NDUFS7: variants seen among roughly 807,000 people sequenced by gnomAD.
NDUFS7 encodes the protein NADH:ubiquinone oxidoreductase core subunit S7, also known as NADH dehydrogenase [ubiquinone] iron-sulfur protein 7, mitochondrial.
NDUFS7 carries 11 observed loss-of-function variants against 31.1 expected under a neutral mutation model. The ratio of observed to expected loss-of-function variants is 0.35; its 90% CI spans 0.22 to 0.59. The LOEUF is 0.59. Ranked by LOEUF, NDUFS7 falls within the 20% of genes least tolerant of loss-of-function variation. The pLI is 0.79. For synonymous variants in NDUFS7, 136 were observed against 127.9 expected, an observed-to-expected ratio of 1.06 and a Z score of -0.43; for missense variants, 263 against 324.2, an observed-to-expected ratio of 0.81 and a Z score of 1.45.
chr19:1,387,805 C>T lies in NDUFS7; in HGVS notation c.17-6C>T. 1 of 1,611,682 alleles carries T rather than the reference C, an allele frequency of 6.2e-7. No individual in the cohort carries two copies. The highest frequency in any genetic ancestry group is 1.3e-5 in the African/African-American group (1 of 75,004). On this transcript the variant is annotated splice_region_variant and splice_polypyrimidine_tract_variant and intron_variant, in intron 1 of 7. Transcript: ENST00000233627. ...CACTGTTCCCACCCCGTGGTCCTCTCTGCAGCTCCTGGCCTGCGCGGCTTC... is the reference window on the plus strand; with the variant it reads ...CACTGTTCCCACCCCGTGGTCCTCTTTGCAGCTCCTGGCCTGCGCGGCTTC...
rs2082490655 is a variant in NDUFS7 at position 1,383,951 on chromosome 19, G to C, written c.16+9G>C. ...GATGGCGGTGCTGTCAGGTGAGCGC[G>C]GCACCGGCGGCGGGTGTGGGGCCGC... is the stretch of plus-strand genomic sequence containing the variant. On this transcript the variant is annotated intron_variant, in intron 1 of 7. Coordinates refer to ENST00000233627, the MANE Select transcript of NDUFS7 (RefSeq NM_024407.5). The C allele has an allele frequency of 1.9e-6, 3 of 1,569,088 alleles. No homozygotes were observed. The highest frequency in any genetic ancestry group is 2.6e-6 in the Non-Finnish European group (3 of 1,159,048).
rs73515044 is a variant in NDUFS7, at chr19:1,389,046, T to C, written c.228+108T>C. 0.024 allele frequency: 19,928 copies of C among 839,754 alleles called. 2,398 individuals are homozygous for C. The African/African-American group carries it at 0.28, about 12-fold the overall frequency. 52.0% of individuals were successfully genotyped at this position (839,754 alleles called of 1,614,324 possible). On this transcript the variant is annotated intron_variant, in intron 4 of 7. Transcript: ENST00000233627. The stretch of plus-strand genomic sequence containing the variant: ...TGCAGACACGTACACACACAACACA[T>C]GCATGCACACTCACATGCGCACATG...
intron 4 of NDUFS7, chr19:1,389,325 ACT>A (rs35005907): frequency 0.55 from 273,188 of 494,388 alleles, 78,096 homozygotes; most frequent in Non-Finnish European, 0.61. Flanking sequence ...ACACATGCAC[ACT>A]CACACACATG....
chr19:1,389,001 C>T (rs1383215367), intron 4 of NDUFS7, 63 bp downstream of exon 4: 2 of 1,287,200 alleles, frequency 1.6e-6, no homozygotes, highest in East Asian at 5.0e-5. Flanking sequence ...CTCACAGGCA[C>T]ACACATACAC....
At chr19:1,389,733 C>T (rs1275621333) in intron 4 of NDUFS7, 4 of 345,174 alleles carry the variant, frequency 1.2e-5, no homozygotes, top group South Asian at 4.4e-5. Context: ...CCAGCTCCTG[C>T]GGCACTTGCT....
At chr19:1,395,095 G>C in intron 7 of NDUFS7, 1 of 1,312,932 alleles carries the variant, frequency 7.6e-7, no homozygotes, top group Non-Finnish European at 9.8e-7. Context: ...CTGAGGGCTG[G>C]GGCCGGGGGC....
intron 2 of NDUFS7, 73 bp downstream of exon 2, chr19:1,387,920 T>C (rs535799494): frequency 1.3e-4 from 16 of 119,678 alleles, no homozygotes; most frequent in Middle Eastern, 2.8e-3. Flanking sequence ...GCGGGGGGGG[T>C]GGGGGGTGGG....
intron 7 of NDUFS7, chr19:1,394,783 A>G: frequency 1.7e-6 from 2 of 1,183,508 alleles, no homozygotes; most frequent in Non-Finnish European, 2.1e-6. Flanking sequence ...CAGGCCCTGC[A>G]GTGGCCTTGT....
In NDUFS7 at chr19:1,393,736, T is replaced by C. The variant is rs1270722758; in HGVS notation, c.544+406T>C. ...CTCCCTGGGACCCGGGGTGGCCGGATTTGGCAAATGAAAACGTGGGAGGCT... is the reference window on the plus strand; with the variant it reads ...CTCCCTGGGACCCGGGGTGGCCGGACTTGGCAAATGAAAACGTGGGAGGCT... On this transcript the variant is annotated intron_variant, in intron 7 of 7. Coordinates refer to ENST00000233627, the MANE Select transcript of NDUFS7 (RefSeq NM_024407.5). This position sits in a 1 kb window ranked among gnomAD's most constrained non-coding sequence, Gnocchi z 7.3. The C allele has an allele frequency of 1.9e-6, 1 of 517,312 alleles. No homozygotes were observed. Among genetic ancestry groups the C allele is most frequent in the Non-Finnish European group, 3.5e-6 (1 of 287,722 alleles). 32.0% of individuals were successfully genotyped at this position (517,312 alleles called of 1,614,324 possible). A position where few individuals can be genotyped will look rare whatever the true frequency, so the allele number is the denominator to read the frequency against.
intron 4 of NDUFS7, chr19:1,390,215 C>G (rs1437777972): frequency 1.2e-5 from 2 of 160,046 alleles, no homozygotes; most frequent in Non-Finnish European, 2.7e-5. Flanking sequence ...AGGATAGTTT[C>G]TAATGGAGGG....
intron 1 of NDUFS7, chr19:1,387,271 C>G (rs1339386063): frequency 5.6e-5 from 10 of 178,776 alleles, no homozygotes; most frequent in Admixed American, 5.4e-4. Context: ...AGGACGAGCA[C>G]TGGGTGCCCA....
intron 4 of NDUFS7, 124 bp downstream of exon 4, chr19:1,389,062 T>C (rs2082531099): frequency 4.8e-6 from 4 of 835,134 alleles, no homozygotes; most frequent in African/African-American, 1.7e-5. Context: ...CACACTCACA[T>C]GCGCACATGT....
chr19:1,392,364 A>T (rs1228368709), intron 6 of NDUFS7: 2 of 152,166 alleles, frequency 1.3e-5, no homozygotes, highest in Non-Finnish European at 2.9e-5. Context: ...TACCCTTTTA[A>T]AGCGAGCAGT....
intron 6 of NDUFS7, 68 bp downstream of exon 6, chr19:1,391,233 G>A (rs1294111239): frequency 2.6e-6 from 4 of 1,561,194 alleles, no homozygotes; most frequent in Non-Finnish European, 3.5e-6. Flanking sequence ...GTGCCCTGAT[G>A]GCGCTTATCA....
chr19:1,391,195 C>T (rs2082554998), intron 6 of NDUFS7, 30 bp downstream of exon 6: 2 of 1,607,272 alleles, frequency 1.2e-6, no homozygotes, highest in African/African-American at 1.3e-5. Flanking sequence ...TCTCCAGGGA[C>T]AGACGTAGCG....
Position 1,383,913 on chromosome 19 carries a change from A to G in NDUFS7, c.-14A>G, listed in dbSNP as rs1321696162. 6.3e-7 allele frequency: 1 copy of G among 1,580,940 alleles called. No individual in the cohort carries two copies. The highest frequency in any genetic ancestry group is 1.8e-5 in the Admixed American group (1 of 55,248). ...AGAACGGACCTCAGAGGTTGTCTGA[A>G]GGCCGAGGCCAAGATGGCGGTGCTG... On this transcript the variant is annotated 5_prime_UTR_variant, in exon 1 of 8. Coordinates refer to ENST00000233627, the MANE Select transcript of NDUFS7 (RefSeq NM_024407.5).
At chr19:1,387,473 C>A (rs970861497) in intron 1 of NDUFS7, among the ~76,000 whole-genome samples, 1 of 152,086 alleles carries the variant, frequency 6.6e-6, no homozygotes, top group Non-Finnish European at 1.5e-5. Context: ...CCCCGCAGGG[C>A]AGCAGCCAGT....
chr19:1,394,683 T>C, intron 7 of NDUFS7: 1 of 1,199,904 alleles, frequency 8.3e-7, no homozygotes, highest in Non-Finnish European at 1.1e-6. Flanking sequence ...CGGACTGTGC[T>C]GCTCCCTCCC....
chr19:1,383,915 GC>G lies in NDUFS7; in HGVS notation c.-10del. On this transcript the variant is annotated 5_prime_UTR_variant, in exon 1 of 8. Coordinates refer to ENST00000233627, the MANE Select transcript of NDUFS7 (RefSeq NM_024407.5). ...AACGGACCTCAGAGGTTGTCTGAAG[GC>G]CGAGGCCAAGATGGCGGTGCTGTCA... 2 of 1,581,282 alleles carry G rather than the reference GC, an allele frequency of 1.3e-6. No individual in the cohort carries two copies. Among genetic ancestry groups the G allele is most frequent in the Non-Finnish European group, 1.7e-6 (2 of 1,164,688 alleles).
Sources: allele counts gnomAD v4.1 joint callset (sites outside exome capture counted in the v4.1 genomes callset), GRCh38; gene constraint gnomAD v4.1.1; non-coding constraint Gnocchi (gnomAD v3.1); transcripts MANE v1.5; gene names NCBI Gene and HGNC (gene_info 2026-07-23, HGNC 2026-07-21).